REC114: variants seen among roughly 807,000 people sequenced by gnomAD.
REC114 encodes the protein REC114 meiotic recombination protein.
REC114 carries 27 observed loss-of-function variants against 31.3 expected under a neutral mutation model. The observed-to-expected ratio is 0.86, with a 90% CI of 0.64 to 1.19. REC114 has a LOEUF of 1.19. Among genes scored for constraint, REC114 ranks in the 50% most tolerant of loss-of-function variants. The probability of loss-of-function intolerance (pLI) is 0.00; values close to 1 mark genes in which losing one functional copy is unlikely to be tolerated. For missense variants in REC114, 344 were observed against 326.9 expected, an observed-to-expected ratio of 1.05 and a Z score of -0.40; for synonymous variants, 134 against 127.7, an observed-to-expected ratio of 1.05 and a Z score of -0.33.
chr15:73,555,702 G>A (rs994018468), intron 4 of REC114, among the ~76,000 whole-genome samples: 3 of 152,136 alleles, frequency 2.0e-5, no homozygotes, highest in Non-Finnish European at 2.9e-5. Flanking sequence ...TGTCTAGTAC[G>A]TAGGAGGTAT....
At chr15:73,487,248 AT>A (rs906881624) in intron 2 of REC114, among the ~76,000 whole-genome samples, 3 of 152,216 alleles carry the variant, frequency 2.0e-5, no homozygotes, top group Non-Finnish European at 4.4e-5. Context: ...TATTCATTGC[AT>A]CCCAGTACCC....
intron 2 of REC114, among the ~76,000 whole-genome samples, chr15:73,516,864 T>C (rs958197883): frequency 6.6e-6 from 1 of 152,170 alleles, no homozygotes; most frequent in Non-Finnish European, 1.5e-5. Context: ...TGATCGGAGG[T>C]GATCTGCTGG....
intron 2 of REC114, among the ~76,000 whole-genome samples, chr15:73,476,043 A>G (rs1263649713): frequency 2.0e-5 from 3 of 152,170 alleles, no homozygotes; most frequent in Non-Finnish European, 2.9e-5. Context: ...GCAATAGGCT[A>G]TCCCACGTGA....
At chr15:73,478,429 CTT>C (rs1278880671) in intron 2 of REC114, among the ~76,000 whole-genome samples, 2 of 152,048 alleles carry the variant, frequency 1.3e-5, no homozygotes, top group Non-Finnish European at 2.9e-5. Flanking sequence ...TTTCTGGACT[CTT>C]TTTTGTTCTG....
At chr15:73,530,864 G>A (rs952251529) in intron 2 of REC114, among the ~76,000 whole-genome samples, 1 of 151,744 alleles carries the variant, frequency 6.6e-6, no homozygotes, top group African/African-American at 2.4e-5. Flanking sequence ...TAAATCACCT[G>A]GCACCAAAAC....
chr15:73,548,424 AAAGT>A (rs1220063471), intron 3 of REC114, among the ~76,000 whole-genome samples: 1 of 152,222 alleles, frequency 6.6e-6, no homozygotes, highest in East Asian at 1.9e-4. Flanking sequence ...ACACTTTTTA[AAAGT>A]AAGACATACA....
At chr15:73,450,267 G>T (rs1220150338) in intron 1 of REC114, among the ~76,000 whole-genome samples, 1 of 151,886 alleles carries the variant, frequency 6.6e-6, no homozygotes, top group Non-Finnish European at 1.5e-5. Context: ...GATACACATA[G>T]GCTCAAAATA....
At chr15:73,515,573 T>C (rs1222781579) in intron 2 of REC114, among the ~76,000 whole-genome samples, 1 of 151,852 alleles carries the variant, frequency 6.6e-6, no homozygotes, top group African/African-American at 2.4e-5. Context: ...GGTAATTAGG[T>C]TTAGGTGAAG....
At chr15:73,539,266 TAGCATTTC>T (rs1418551571) in intron 2 of REC114, among the ~76,000 whole-genome samples, 1 of 148,114 alleles carries the variant, frequency 6.8e-6, no homozygotes, top group Non-Finnish European at 1.5e-5. Flanking sequence ...TGCTTAGAGG[TAGCATTTC>T]AGAACTGATT....
chr15:73,486,200 C>A (rs1312024898), intron 2 of REC114, among the ~76,000 whole-genome samples: 2 of 152,116 alleles, frequency 1.3e-5, no homozygotes, highest in Non-Finnish European at 2.9e-5. Flanking sequence ...TGGGTTCAAG[C>A]GATTCTCCTG....
chr15:73,546,244 C>T (rs533612833), intron 3 of REC114, among the ~76,000 whole-genome samples: 1 of 150,784 alleles, frequency 6.6e-6, no homozygotes, highest in South Asian at 2.1e-4. Flanking sequence ...TCTTCAGTGT[C>T]GGAGGGAAAT....
chr15:73,446,440 G>C (rs1027744888), intron 1 of REC114, among the ~76,000 whole-genome samples: 5 of 152,164 alleles, frequency 3.3e-5, no homozygotes, highest in Non-Finnish European at 5.9e-5. Context: ...AGGAGTTTGA[G>C]ACCAGCCTGG....
chr15:73,510,567 T>G (rs1382260508), intron 2 of REC114, among the ~76,000 whole-genome samples: 3 of 145,646 alleles, frequency 2.1e-5, no homozygotes, highest in African/African-American at 7.6e-5. Context: ...CAGTATGATA[T>G]TGGCTGTGGG....
chr15:73,500,515 G>A (rs1401008282), intron 2 of REC114, among the ~76,000 whole-genome samples: 1 of 152,170 alleles, frequency 6.6e-6, no homozygotes, highest in Non-Finnish European at 1.5e-5. Context: ...GTGAGATGGA[G>A]GCATTGTTCA....
chr15:73,469,054 A>G (rs562072350), intron 1 of REC114, among the ~76,000 whole-genome samples: 68 of 152,276 alleles, frequency 4.5e-4, no homozygotes, highest in South Asian at 4.1e-4. Flanking sequence ...TGCTCTGTGT[A>G]TACTTGAGAA....
chr15:73,517,229 C>T (rs1011058437), intron 2 of REC114, among the ~76,000 whole-genome samples: 1 of 152,138 alleles, frequency 6.6e-6, no homozygotes, highest in Non-Finnish European at 1.5e-5. Context: ...TAGTCTTTAG[C>T]TTGAGAGAAA....
intron 2 of REC114, among the ~76,000 whole-genome samples, chr15:73,485,533 G>A (rs1171450561): frequency 6.6e-6 from 1 of 152,158 alleles, no homozygotes; most frequent in East Asian, 1.9e-4. Flanking sequence ...TCTCATAAAT[G>A]GCTTAGTACT....
chr15:73,528,029 T>C (rs1894028895), intron 2 of REC114, among the ~76,000 whole-genome samples: 1 of 152,132 alleles, frequency 6.6e-6, no homozygotes, highest in South Asian at 2.1e-4. Flanking sequence ...ACAGCAAATA[T>C]ATTTAAATTT....
chr15:73,508,003 T>C lies in REC114; in HGVS notation c.250-32482T>C, dbSNP rs16957958. ...CTAAGGTCAAGGTTAGCGCCATTTTTGGTGCATCCCTACAGCATCTTGTAT... is the reference window on the plus strand; with the variant it reads ...CTAAGGTCAAGGTTAGCGCCATTTTCGGTGCATCCCTACAGCATCTTGTAT... On this transcript the variant is annotated intron_variant, in intron 2 of 5. Transcript: ENST00000331090. 1.2e-3 allele frequency among the ~76,000 whole-genome samples: 181 copies of C among 152,330 alleles called. No homozygotes were observed. The East Asian group carries it at 0.027, about 22-fold the overall frequency.
Sources: allele counts gnomAD v4.1 joint callset (sites outside exome capture counted in the v4.1 genomes callset), GRCh38; gene constraint gnomAD v4.1.1; transcripts MANE v1.5; gene names NCBI Gene and HGNC (gene_info 2026-07-23, HGNC 2026-07-21).